The following METTL15 variants were observed in gnomAD, a reference collection of about 807,000 sequenced individuals.
METTL15 encodes the protein 12S rRNA N(4)-cytidine methyltransferase METTL15.
METTL15 carries 34 observed loss-of-function variants against 38.3 expected under a neutral mutation model. The ratio of observed to expected loss-of-function variants is 0.89; its 90% CI spans 0.68 to 1.18. METTL15 has a LOEUF of 1.18. Ranked by LOEUF, METTL15 falls within the 50% of genes most tolerant of loss-of-function variation. The probability of loss-of-function intolerance (pLI) is 0.00; values close to 1 mark genes in which losing one functional copy is unlikely to be tolerated. For synonymous variants in METTL15, 162 were observed against 170.9 expected, an observed-to-expected ratio of 0.95 and a Z score of 0.41; for missense variants, 438 against 498.4, an observed-to-expected ratio of 0.88 and a Z score of 1.15.
intron 3 of METTL15, among the ~76,000 whole-genome samples, chr11:28,187,980 A>G (rs1851561824): frequency 6.6e-6 from 1 of 151,350 alleles, no homozygotes; most frequent in African/African-American, 2.4e-5. Flanking sequence ...ATACGCAAGC[A>G]TTGTTCTTTT....
intron 6 of METTL15, among the ~76,000 whole-genome samples, chr11:28,314,782 A>G (rs1223637872): frequency 2.0e-5 from 3 of 152,176 alleles, no homozygotes; most frequent in African/African-American, 7.2e-5. Flanking sequence ...AGATGATTGA[A>G]TTATGGGGGC....
intron 6 of METTL15, among the ~76,000 whole-genome samples, chr11:28,452,692 G>T (rs141965812): frequency 6.6e-6 from 1 of 152,154 alleles, no homozygotes; most frequent in African/African-American, 2.4e-5. Context: ...CCTGCTACAG[G>T]ATCCAGGCCA....
At chr11:28,357,309 A>C (rs1192255753) in intron 4 of METTL15, among the ~76,000 whole-genome samples, 1 of 152,246 alleles carries the variant, frequency 6.6e-6, no homozygotes, top group African/African-American at 2.4e-5. Context: ...AATATTTCTG[A>C]AGATCCAATG....
intron 6 of METTL15, among the ~76,000 whole-genome samples, chr11:28,470,190 A>T (rs182036419): frequency 6.6e-6 from 1 of 152,146 alleles, no homozygotes; most frequent in Non-Finnish European, 1.5e-5. Flanking sequence ...TCATCAATAC[A>T]TTTGCAGTGA....
chr11:28,479,928 C>T (rs1394652609), intron 6 of METTL15, among the ~76,000 whole-genome samples: 3 of 152,056 alleles, frequency 2.0e-5, no homozygotes, highest in Admixed American at 6.6e-5. Flanking sequence ...TTTGCTGAAC[C>T]CTTTTATCTT....
At chr11:28,244,719 G>A (rs563858158) in intron 4 of METTL15, among the ~76,000 whole-genome samples, 2 of 152,302 alleles carry the variant, frequency 1.3e-5, no homozygotes, top group African/African-American at 4.8e-5. Context: ...CACTTTTAAT[G>A]AGAGGATTAT....
intron 3 of METTL15, among the ~76,000 whole-genome samples, chr11:28,141,362 A>G (rs1849692961): frequency 6.6e-6 from 1 of 152,086 alleles, no homozygotes; most frequent in Non-Finnish European, 1.5e-5. Context: ...AATATCTGAA[A>G]GATCAATCTT....
intron 6 of METTL15, among the ~76,000 whole-genome samples, chr11:28,475,309 TC>T: frequency 6.6e-6 from 1 of 152,340 alleles, no homozygotes; most frequent in South Asian, 2.1e-4. Flanking sequence ...ATGATCCTCT[TC>T]ACCAGCTTGG....
At chr11:28,139,069 ACTTTTACT>A (rs1317265966) in intron 3 of METTL15, among the ~76,000 whole-genome samples, 2 of 152,162 alleles carry the variant, frequency 1.3e-5, no homozygotes, top group Non-Finnish European at 2.9e-5. Flanking sequence ...GCTGTTAAGA[ACTTTTACT>A]CTTTTACCAG....
At chr11:28,279,889 ACT>A (rs1590255119) in intron 4 of METTL15, among the ~76,000 whole-genome samples, 1 of 148,236 alleles carries the variant, frequency 6.7e-6, no homozygotes, top group Non-Finnish European at 1.5e-5. Flanking sequence ...ACAGGGCAAG[ACT>A]CTGTCTCAAA....
At chr11:28,210,941 A>T in intron 3 of METTL15, 121 bp from the exon 4 acceptor site, 1 of 1,041,836 alleles carries the variant, frequency 9.6e-7, no homozygotes, top group Non-Finnish European at 1.4e-6. Flanking sequence ...CAACGATTGT[A>T]ATTATTTTCC....
At chr11:28,450,218 G>C (rs1851108639) in intron 6 of METTL15, among the ~76,000 whole-genome samples, 1 of 152,142 alleles carries the variant, frequency 6.6e-6, no homozygotes, top group African/African-American at 2.4e-5. Context: ...GCTTTACCCT[G>C]ATTTAGCATC....
At chr11:28,185,432 A>G (rs1403580372) in intron 3 of METTL15, among the ~76,000 whole-genome samples, 1 of 151,428 alleles carries the variant, frequency 6.6e-6, no homozygotes, top group Non-Finnish European at 1.5e-5. Flanking sequence ...TATTGTTAAT[A>G]TTTGGATAGA....
At chr11:28,510,165 A>T (rs974330062) in intron 6 of METTL15, among the ~76,000 whole-genome samples, 21 of 152,254 alleles carry the variant, frequency 1.4e-4, no homozygotes, top group African/African-American at 5.1e-4. Context: ...CCTGTGTCTC[A>T]GTTGTTTGGA....
At chr11:28,254,927 A>T (rs868160660) in intron 4 of METTL15, among the ~76,000 whole-genome samples, 1 of 152,136 alleles carries the variant, frequency 6.6e-6, no homozygotes. Flanking sequence ...CTTTTTGCTC[A>T]GGATAGCCTT....
At chr11:28,418,199 C>T (rs1850789648) in intron 5 of METTL15, among the ~76,000 whole-genome samples, 1 of 152,078 alleles carries the variant, frequency 6.6e-6, no homozygotes, top group African/African-American at 2.4e-5. Context: ...CTCTGGGATT[C>T]CTTGAACTGG....
chr11:28,295,927 T>G (rs1237177798), intron 5 of METTL15, among the ~76,000 whole-genome samples: 2 of 152,114 alleles, frequency 1.3e-5, no homozygotes, highest in Non-Finnish European at 2.9e-5. Context: ...AGCAAAGCTA[T>G]TTTTCTAATA....
intron 4 of METTL15, among the ~76,000 whole-genome samples, chr11:28,285,455 A>G (rs1013427388): frequency 3.3e-5 from 5 of 152,090 alleles, no homozygotes; most frequent in African/African-American, 1.2e-4. Context: ...TGGCCCAGGG[A>G]AGCCAAAAGA....
intron 3 of METTL15, among the ~76,000 whole-genome samples, chr11:28,156,497 CT>C (rs1850271317): frequency 6.6e-6 from 1 of 152,066 alleles, no homozygotes; most frequent in East Asian, 1.9e-4. Context: ...TAAAAATGAC[CT>C]TTTCAAATAG....
Sources: allele counts gnomAD v4.1 joint callset (sites outside exome capture counted in the v4.1 genomes callset), GRCh38; gene constraint gnomAD v4.1.1; transcripts MANE v1.5; gene names NCBI Gene and HGNC (gene_info 2026-07-23, HGNC 2026-07-21).